RFC3: variants seen among roughly 807,000 people sequenced by gnomAD.
RFC3 encodes A1 38 kDa subunit.
RFC3 carries 41 observed loss-of-function variants against 45.1 expected under a neutral mutation model. The ratio of observed to expected loss-of-function variants is 0.91; its 90% CI spans 0.71 to 1.18. The LOEUF (loss-of-function observed/expected upper bound fraction) is 1.18, where lower values mean the gene tolerates loss of function less well. Ranked by LOEUF, RFC3 falls within the 50% of genes most tolerant of loss-of-function variation. The pLI is 0.00. For missense variants in RFC3, 423 were observed against 428.1 expected (o/e 0.99, Z 0.10); for synonymous variants, 149 against 144.0 (o/e 1.03, Z -0.25).
chr13:33,865,663 C>G (rs1180084763), intron 8 of RFC3, among the ~76,000 whole-genome samples: 3 of 152,118 alleles, frequency 2.0e-5, no homozygotes, highest in Admixed American at 6.5e-5. Flanking sequence ...ATTCAATGTA[C>G]TAGACCAAAC....
chr13:33,895,254 A>T (rs2082590229), intron 8 of RFC3, among the ~76,000 whole-genome samples: 1 of 152,226 alleles, frequency 6.6e-6, no homozygotes, highest in African/African-American at 2.4e-5. Flanking sequence ...TATATATCTG[A>T]CACAGGACTA....
At chr13:33,938,184 CAAAAAAAAAAAA>C (rs34685731) in intron 8 of RFC3, among the ~76,000 whole-genome samples, 21 of 70,784 alleles carry the variant, frequency 3.0e-4, no homozygotes, top group Non-Finnish European at 5.0e-4. Context: ...AGTCCAACTG[CAAAAAAAAAAAA>C]AAAAAAAAAA....
chr13:33,895,501 T>G (rs529000140), intron 8 of RFC3, among the ~76,000 whole-genome samples: 1 of 152,262 alleles, frequency 6.6e-6, no homozygotes, highest in Admixed American at 6.5e-5. Context: ...GATGTTGGCA[T>G]GGATGTGGTA....
At chr13:33,930,008 GTGTTAC>G (rs2082841723) in intron 8 of RFC3, among the ~76,000 whole-genome samples, 1 of 152,030 alleles carries the variant, frequency 6.6e-6, no homozygotes, top group Non-Finnish European at 1.5e-5. Flanking sequence ...TTAGCATTGA[GTGTTAC>G]TGTTTTTCCT....
intron 5 of RFC3, 107 bp downstream of exon 5, chr13:33,830,124 C>G: frequency 1.1e-6 from 1 of 939,244 alleles, no homozygotes; most frequent in Non-Finnish European, 1.6e-6. Flanking sequence ...AGAACACCTA[C>G]AGACCTGGAT....
At chr13:33,914,551 T>C (rs1331502920) in intron 8 of RFC3, among the ~76,000 whole-genome samples, 1 of 152,138 alleles carries the variant, frequency 6.6e-6, no homozygotes, top group African/African-American at 2.4e-5. Context: ...AAAAGTATTA[T>C]GCCAGTTGGT....
chr13:33,821,184 G>GA lies in RFC3; in HGVS notation c.146dup (p.Thr50AspfsTer9). On this transcript the variant is annotated frameshift_variant, in exon 2 of 9. Coordinates refer to ENST00000380071, the MANE Select transcript of RFC3 (RefSeq NM_002915.4). LOFTEE classifies it high-confidence loss of function. ...TTAGTGTACGGACCATCAGGTGCTG[G>GA]AAAAAAGACAAGAATTATGTGTATT... The GA allele has an allele frequency of 6.2e-7, 1 of 1,613,650 alleles. No homozygotes were observed. The highest frequency in any genetic ancestry group is 1.1e-5 in the South Asian group (1 of 91,066).
rs3135635 is a variant in RFC3 at position 33,836,394 on chromosome 13, C to T, written c.*99C>T. ...GTAAATTAACTGAACTTAATCATGT[C>T]GTATTTGCGTTTTTTTGGTAATAAC... On this transcript the variant is annotated 3_prime_UTR_variant, in exon 9 of 9. Transcript: ENST00000380071. 0.11 allele frequency: 163,962 copies of T among 1,503,086 alleles called. 14,460 individuals carry two copies. The highest frequency in any genetic ancestry group is 0.34 in the African/African-American group (24,664 of 71,708). 93.1% of individuals were successfully genotyped at this position (1,503,086 alleles called of 1,614,324 possible).
intron 8 of RFC3, among the ~76,000 whole-genome samples, chr13:33,944,193 C>A (rs561385615): frequency 3.3e-5 from 5 of 152,294 alleles, no homozygotes; most frequent in African/African-American, 1.2e-4. Flanking sequence ...TATGAACTCT[C>A]TATATAAACT....
At chr13:33,916,908 G>A (rs2082737294) in intron 8 of RFC3, among the ~76,000 whole-genome samples, 1 of 152,024 alleles carries the variant, frequency 6.6e-6, no homozygotes, top group South Asian at 2.1e-4. Context: ...CATTTCCAAG[G>A]TTACTGACAT....
rs1487388331 is a variant in RFC3 at position 33,835,178 on chromosome 13, G to GC, written c.841dup (p.Leu281ProfsTer9). 1 of 1,610,446 alleles carries GC rather than the reference G, an allele frequency of 6.2e-7. No individual in the cohort carries two copies. The highest frequency in any genetic ancestry group is 8.5e-7 in the Non-Finnish European group (1 of 1,177,096). On this transcript the variant is annotated frameshift_variant, in exon 8 of 9. Transcript: ENST00000380071. LOFTEE classifies it high-confidence loss of function. ...TTGAAGTTCGTGGAAGGCTGTATGA[G>GC]CTTCTAACTCATTGTATTCCTCCTG...
intron 8 of RFC3, among the ~76,000 whole-genome samples, chr13:33,886,037 A>G (rs1566016319): frequency 7.0e-6 from 1 of 143,856 alleles, no homozygotes; most frequent in Non-Finnish European, 1.6e-5. Context: ...AAAGCTTAAA[A>G]AAGACATTCA....
At chr13:33,923,586 T>C (rs1370621767) in intron 8 of RFC3, among the ~76,000 whole-genome samples, 1 of 152,184 alleles carries the variant, frequency 6.6e-6, no homozygotes, top group East Asian at 1.9e-4. Context: ...TGATGCCCTG[T>C]GATTCTGGGG....
At chr13:33,871,202 C>G (rs1020275991) in intron 8 of RFC3, among the ~76,000 whole-genome samples, 1 of 152,186 alleles carries the variant, frequency 6.6e-6, no homozygotes, top group African/African-American at 2.4e-5. Context: ...TTTTACATAG[C>G]TGCCATAACA....
At chr13:33,852,972 A>G (rs137863443) in intron 8 of RFC3, among the ~76,000 whole-genome samples, 386 of 152,320 alleles carry the variant, frequency 2.5e-3, no homozygotes, top group Non-Finnish European at 4.8e-3. Context: ...AGAGTTTTAC[A>G]GGCATTTTAA....
the RFC3 span, among the ~76,000 whole-genome samples, chr13:33,974,078 G>T: frequency 2.0e-5 from 3 of 152,142 alleles, no homozygotes; most frequent in African/African-American, 7.2e-5. Flanking sequence ...TGGCTAATAA[G>T]AGTGCAGAGG....
chr13:33,865,237 AT>A (rs1321642418), intron 8 of RFC3, among the ~76,000 whole-genome samples: 2 of 152,240 alleles, frequency 1.3e-5, no homozygotes, highest in Non-Finnish European at 2.9e-5. Context: ...TCTATAAAAA[AT>A]ATGAAAAAAA....
intron 8 of RFC3, among the ~76,000 whole-genome samples, chr13:33,965,601 A>G (rs185503050): frequency 6.6e-6 from 1 of 152,334 alleles, no homozygotes; most frequent in African/African-American, 2.4e-5. Flanking sequence ...TGAGATTTAA[A>G]TAAGATGTCT....
intron 8 of RFC3, among the ~76,000 whole-genome samples, chr13:33,898,571 A>C (rs2137659052): frequency 6.6e-6 from 1 of 152,088 alleles, no homozygotes; most frequent in Non-Finnish European, 1.5e-5. Flanking sequence ...GACTTTAAAT[A>C]AACAACTTAA....
Sources: allele counts gnomAD v4.1 joint callset (sites outside exome capture counted in the v4.1 genomes callset), GRCh38; gene constraint gnomAD v4.1.1; transcripts MANE v1.5; gene names NCBI Gene and HGNC (gene_info 2026-07-23, HGNC 2026-07-21).